The following FRMD6 variants were observed in gnomAD, a reference collection of about 807,000 sequenced individuals.
The protein encoded by FRMD6 is FERM domain containing 6, also known as FERM domain-containing protein 6.
Under a neutral mutation model 73.2 loss-of-function variants are expected in FRMD6, and 37 were observed. The observed-to-expected ratio is 0.51, with a 90% confidence interval of 0.39 to 0.66. FRMD6 has a LOEUF of 0.66. Among genes scored for constraint, FRMD6 ranks in the 30% least tolerant of loss-of-function variants. FRMD6 has a pLI of 0.00. For synonymous variants in FRMD6, 273 were observed against 282.2 expected (o/e 0.97, Z 0.33); for missense variants, 714 against 780.5 (o/e 0.91, Z 1.02).
rs953967578 is a variant in FRMD6, at chr14:51,670,030, GA to G, written c.-147+18044del. On this transcript the variant is annotated intron_variant, in intron 1 of 13. Coordinates refer to ENST00000344768, the MANE Select transcript of FRMD6 (RefSeq NM_001267046.2). The stretch of plus-strand genomic sequence containing the variant: ...TAGAATCCGATTCTGGATTTTTACC[GA>G]AAAAAAAAAGTCCCTGGGATTTTTA... Among the ~76,000 whole-genome samples, 51 of 148,070 alleles carry G rather than the reference GA, an allele frequency of 3.4e-4. 1 individual carries two copies. The highest frequency in any genetic ancestry group is 8.5e-4 in the African/African-American group (34 of 40,222).
intron 2 of FRMD6, among the ~76,000 whole-genome samples, chr14:51,584,681 T>G (rs987654012): frequency 6.6e-6 from 1 of 152,216 alleles, no homozygotes; most frequent in Non-Finnish European, 1.5e-5. Flanking sequence ...TGAGATGAAA[T>G]TTAACTCAGT....
intron 1 of FRMD6, among the ~76,000 whole-genome samples, chr14:51,493,567 C>T (rs1016656633): frequency 2.6e-5 from 4 of 152,178 alleles, no homozygotes; most frequent in African/African-American, 9.7e-5. Flanking sequence ...TGTGAGGCAT[C>T]CCCAGCCCTG....
rs773128955 is a variant in FRMD6 at position 51,728,088 on chromosome 14, A to C, written c.*59A>C. ...CTGTTTGCTAGAGGATGCGAAAGTC[A>C]TAAGTTCTTTACATATTACTTGTGC... On this transcript the variant is annotated 3_prime_UTR_variant, in exon 14 of 14. Transcript: ENST00000344768. 28 of 1,496,526 alleles carry C rather than the reference A, an allele frequency of 1.9e-5. No homozygotes were observed. Among genetic ancestry groups the C allele is most frequent in the Non-Finnish European group, 2.5e-5 (28 of 1,100,458 alleles). The allele number at this position is 1,496,526 out of a possible 1,614,324, so 92.7% of individuals were successfully genotyped here.
chr14:51,484,906 C>T (rs1311710617), upstream of FRMD6, among the ~76,000 whole-genome samples: 2 of 152,172 alleles, frequency 1.3e-5, no homozygotes, highest in Non-Finnish European at 2.9e-5. Context: ...ATTAGTTGAA[C>T]ACAGCTACTC....
chr14:51,426,404 G>A, the FRMD6 span, among the ~76,000 whole-genome samples: 10 of 151,854 alleles, frequency 6.6e-5, no homozygotes, highest in South Asian at 6.2e-4. Flanking sequence ...ATTAGACCCC[G>A]CTCTCTCAGA....
chr14:51,730,095 T>C lies in FRMD6; in HGVS notation c.*2066T>C, dbSNP rs115569816. The C allele has an allele frequency of 6.2e-4, 94 of 152,366 alleles. 1 individual carries two copies. The highest frequency in any genetic ancestry group is 3.4e-3 in the Middle Eastern group (1 of 294). The allele number at this position is 152,366 out of a possible 1,614,324, so 9.4% of individuals were successfully genotyped here. ...CAGATCATAATGCAGTGCATTTCCT[T>C]AGCCCTTAGAGTTTCTTGCAAACAT... On this transcript the variant is annotated 3_prime_UTR_variant, in exon 14 of 14. Coordinates refer to ENST00000344768, the MANE Select transcript of FRMD6 (RefSeq NM_001267046.2).
chr14:51,514,208 G>C (rs747492429), intron 1 of FRMD6, among the ~76,000 whole-genome samples: 12 of 152,178 alleles, frequency 7.9e-5, no homozygotes, highest in Non-Finnish European at 1.8e-4. Context: ...GCTGGGTAGA[G>C]AGACAGGGAT....
intron 7 of FRMD6, among the ~76,000 whole-genome samples, chr14:51,711,303 C>T (rs1594770670): frequency 6.6e-6 from 1 of 152,090 alleles, no homozygotes; most frequent in Non-Finnish European, 1.5e-5. Flanking sequence ...TTTGAAATCT[C>T]AGGAATTTAA....
At chr14:51,472,951 G>C in the FRMD6 span, among the ~76,000 whole-genome samples, 1 of 152,214 alleles carries the variant, frequency 6.6e-6, no homozygotes, top group Non-Finnish European at 1.5e-5. Flanking sequence ...CATGTGATAA[G>C]ACCTAATGGT....
intron 3 of FRMD6, among the ~76,000 whole-genome samples, chr14:51,699,502 A>G (rs965083216): frequency 6.6e-6 from 1 of 152,092 alleles, no homozygotes; most frequent in Admixed American, 6.6e-5. Flanking sequence ...AATTTTTAAG[A>G]TGTCCTTTTT....
At chr14:51,576,585 G>A (rs2139629632) in intron 2 of FRMD6, among the ~76,000 whole-genome samples, 1 of 152,224 alleles carries the variant, frequency 6.6e-6, no homozygotes, top group African/African-American at 2.4e-5. Flanking sequence ...TCCCCCATGA[G>A]TGGATATCAC....
intron 2 of FRMD6, among the ~76,000 whole-genome samples, chr14:51,628,272 T>A (rs1891190330): frequency 6.6e-6 from 1 of 152,220 alleles, no homozygotes; most frequent in African/African-American, 2.4e-5. Flanking sequence ...ACTTTATGAA[T>A]TATATAACAA....
chr14:51,679,874 C>T (rs961578184), intron 1 of FRMD6, among the ~76,000 whole-genome samples: 4 of 152,126 alleles, frequency 2.6e-5, no homozygotes, highest in African/African-American at 9.6e-5. Context: ...TTTCATTTTC[C>T]CAAGTACCTA....
chr14:51,510,932 T>C (rs1469614960), intron 1 of FRMD6, among the ~76,000 whole-genome samples: 1 of 152,196 alleles, frequency 6.6e-6, no homozygotes, highest in African/African-American at 2.4e-5. Context: ...CTTCCTTTCG[T>C]CTCTGCTCAG....
At chr14:51,532,139 T>C (rs759812709) in intron 1 of FRMD6, among the ~76,000 whole-genome samples, 2 of 152,022 alleles carry the variant, frequency 1.3e-5, no homozygotes, top group South Asian at 2.1e-4. Context: ...GAGGCCGAGG[T>C]GGGCGGATCA....
At chr14:51,616,665 G>T (rs917838244) in intron 2 of FRMD6, among the ~76,000 whole-genome samples, 17 of 152,144 alleles carry the variant, frequency 1.1e-4, no homozygotes, top group Admixed American at 3.3e-4. Context: ...GGGAACTGAG[G>T]CATGAGAGAG....
chr14:51,448,531 T>C, the FRMD6 span, among the ~76,000 whole-genome samples: 1 of 152,252 alleles, frequency 6.6e-6, no homozygotes. Flanking sequence ...ATTGTTAAGC[T>C]GATCTTCCTG....
the FRMD6 span, among the ~76,000 whole-genome samples, chr14:51,432,800 C>T: frequency 1.3e-5 from 2 of 152,164 alleles, no homozygotes; most frequent in African/African-American, 2.4e-5. Flanking sequence ...ATGAATAGGG[C>T]TGAGAAAGCA....
intron 1 of FRMD6, among the ~76,000 whole-genome samples, chr14:51,490,616 T>TTGTG (rs58046471): frequency 5.4e-5 from 8 of 148,024 alleles, no homozygotes; most frequent in South Asian, 2.2e-4. Context: ...TGTGTGTATT[T>TTGTG]TGTGTGTGTG....
Sources: gnomAD v4.1 joint callset for allele counts (sites outside exome capture counted in the v4.1 genomes callset) on GRCh38, gnomAD v4.1.1 for gene constraint, MANE v1.5 for transcripts, NCBI Gene and HGNC (gene_info 2026-07-23, HGNC 2026-07-21) for gene names.